The following RMDN2 variants were observed in gnomAD, a reference collection of about 807,000 sequenced individuals.
RMDN2 encodes the protein regulator of microtubule dynamics 2.
In RMDN2, 61 loss-of-function variants were observed where a neutral mutation model predicts 52.8. The observed-to-expected ratio is 1.16, with a 90% CI of 0.94 to 1.43. The LOEUF (loss-of-function observed/expected upper bound fraction) is 1.43. RMDN2 is among the 40% of genes most tolerant of loss of function. The probability of loss-of-function intolerance (pLI) is 0.00; values close to 1 mark genes in which losing one functional copy is unlikely to be tolerated. For missense variants in RMDN2, 592 were observed against 475.3 expected (o/e 1.25, Z -2.28); for synonymous variants, 180 against 153.1 (o/e 1.18, Z -1.30).
Position 38,009,590 on chromosome 2 carries a change from T to C in RMDN2, c.1179+5374T>C, listed in dbSNP as rs137939618. Among the ~76,000 whole-genome samples the C allele has an allele frequency of 6.6e-5, 10 of 152,352 alleles. No homozygotes were observed. The East Asian group carries it at 1.9e-3, about 29-fold the overall frequency. On this transcript the variant is annotated intron_variant, in intron 10 of 10. Coordinates refer to ENST00000354545, the MANE Select transcript of RMDN2 (RefSeq NM_001170791.3). ...TCCTTTAAGGAATTCTCTGCGTTGA[T>C]TATTCTAGTTAGCCATTCATCTAAT...
At chr2:38,043,312 C>T (rs772483728) in intron 10 of RMDN2, among the ~76,000 whole-genome samples, 1 of 152,180 alleles carries the variant, frequency 6.6e-6, no homozygotes, top group Non-Finnish European at 1.5e-5. Context: ...AATATAGCTA[C>T]TGCAGCTTTT....
chr2:37,961,371 G>A (rs1670214063), intron 2 of RMDN2, among the ~76,000 whole-genome samples: 1 of 151,932 alleles, frequency 6.6e-6, no homozygotes, highest in African/African-American at 2.4e-5. Flanking sequence ...ATATTTCTTG[G>A]AAGCTTTGTT....
At position 37,964,139 on chromosome 2, in the gene RMDN2, G is replaced by A. The variant is rs369577306; in HGVS notation, c.453-9901G>A. Among the ~76,000 whole-genome samples, 54 of 151,542 alleles carry A rather than the reference G, an allele frequency of 3.6e-4. No individual in the cohort carries two copies. In the East Asian group the frequency reaches 5.1e-3, roughly 14 times the overall value. On this transcript the variant is annotated intron_variant, in intron 2 of 10. Transcript: ENST00000354545. The stretch of plus-strand genomic sequence containing the variant: ...TGGAGGGGCTCCTCACTTCTCAGAC[G>A]GGGCGCCTGCCGGGCGGAGGGGCTC...
chr2:37,998,508 A>G (rs950481214), intron 8 of RMDN2: 5 of 152,222 alleles, frequency 3.3e-5, no homozygotes, highest in Admixed American at 6.6e-5. Context: ...CCTGACCAAA[A>G]GAGCATGACC....
At chr2:38,016,557 T>C (rs570672022) in intron 10 of RMDN2, among the ~76,000 whole-genome samples, 1 of 152,346 alleles carries the variant, frequency 6.6e-6, no homozygotes, top group African/African-American at 2.4e-5. Flanking sequence ...CTTCATTTAA[T>C]GATCTCACCT....
intron 10 of RMDN2, among the ~76,000 whole-genome samples, chr2:38,031,032 T>C (rs916674559): frequency 6.6e-6 from 1 of 151,946 alleles, no homozygotes; most frequent in Non-Finnish European, 1.5e-5. Flanking sequence ...ATTTGTTTAA[T>C]TGGCCAAGAA....
chr2:38,052,682 G>C (rs1681672419), intron 10 of RMDN2, among the ~76,000 whole-genome samples: 1 of 152,124 alleles, frequency 6.6e-6, no homozygotes, highest in African/African-American at 2.4e-5. Flanking sequence ...TATGAACTTG[G>C]CTAAGGATGC....
At chr2:38,056,084 A>T (rs1366814239) in intron 10 of RMDN2, among the ~76,000 whole-genome samples, 1 of 152,142 alleles carries the variant, frequency 6.6e-6, no homozygotes, top group Non-Finnish European at 1.5e-5. Flanking sequence ...CTCCAAGCAC[A>T]TCACATTCAT....
intron 2 of RMDN2, among the ~76,000 whole-genome samples, chr2:37,958,503 G>C (rs1217722170): frequency 6.0e-5 from 9 of 150,992 alleles, no homozygotes; most frequent in Non-Finnish European, 1.2e-4. Flanking sequence ...CTGAGATTTT[G>C]CTGAAGTTGC....
At position 38,004,059 on chromosome 2, in the gene RMDN2, T is replaced by A; in HGVS notation, c.1098+15T>A. The A allele has an allele frequency of 6.2e-7, 1 of 1,610,196 alleles. No homozygotes were observed. On this transcript the variant is annotated intron_variant, in intron 9 of 10. Transcript: ENST00000354545. ...ACTTAGCAAAGGTAATGAAGACCAC[T>A]GTTCTGCTTTAAGATCACTTTGAAC...
intron 2 of RMDN2, among the ~76,000 whole-genome samples, chr2:37,944,250 C>T (rs985496854): frequency 6.6e-6 from 1 of 151,352 alleles, no homozygotes; most frequent in Admixed American, 6.6e-5. Flanking sequence ...AGTATCTGTA[C>T]TCCTTGGATT....
chr2:37,997,506 T>C lies in RMDN2; in HGVS notation c.1036T>C (p.Phe346Leu). 1 of 1,597,812 alleles carries C rather than the reference T, an allele frequency of 6.3e-7. No individual in the cohort carries two copies. The highest frequency in any genetic ancestry group is 8.6e-7 in the Non-Finnish European group (1 of 1,165,284). Residue 346 changes from phenylalanine (F) to leucine (L), a missense_variant, in exon 8 of 11, where the codon TTC (phenylalanine) becomes CTC (leucine). Phe to Leu is a conservative substitution (Grantham distance 22). Coordinates refer to ENST00000354545, the MANE Select transcript of RMDN2 (RefSeq NM_001170791.3). ...AACTGTACAAGAAGCTTTACACAAT[T>C]TCCTTAAGGTACATTTTGTGTATCC... ...SSTVQEALHN[F>L]LKAEELCPGY...
chr2:38,040,659 T>G (rs1451973318), intron 10 of RMDN2, among the ~76,000 whole-genome samples: 1 of 152,206 alleles, frequency 6.6e-6, no homozygotes, highest in East Asian at 1.9e-4. Flanking sequence ...TCAGGTAATT[T>G]TAGTTCTTAA....
chr2:37,970,586 T>C (rs1671679365), intron 2 of RMDN2, among the ~76,000 whole-genome samples: 1 of 152,182 alleles, frequency 6.6e-6, no homozygotes, highest in African/African-American at 2.4e-5. Flanking sequence ...AGTAATTCTT[T>C]AGAAGAATTT....
chr2:37,964,750 C>T (rs146774762), intron 2 of RMDN2, among the ~76,000 whole-genome samples: 14 of 152,128 alleles, frequency 9.2e-5, no homozygotes, highest in East Asian at 3.9e-4. Context: ...ACTAATCATC[C>T]GCCTGGTTGT....
At chr2:38,052,796 C>T (rs1330561957) in intron 10 of RMDN2, among the ~76,000 whole-genome samples, 1 of 152,138 alleles carries the variant, frequency 6.6e-6, no homozygotes. Flanking sequence ...CCAAGGATTA[C>T]AGGAACTCTG....
At chr2:38,041,430 T>TTC (rs936828720) in intron 10 of RMDN2, among the ~76,000 whole-genome samples, 2 of 148,514 alleles carry the variant, frequency 1.3e-5, no homozygotes, top group African/African-American at 4.9e-5. Context: ...TTTATTGGTT[T>TTC]TTTTTTTTTT....
chr2:38,008,219 G>C (rs1677403178), intron 10 of RMDN2, among the ~76,000 whole-genome samples: 1 of 152,140 alleles, frequency 6.6e-6, no homozygotes, highest in Non-Finnish European at 1.5e-5. Context: ...ATGTCTGTTA[G>C]GTCCGCTTGG....
intron 1 of RMDN2, chr2:37,928,740 A>G (rs752454983): frequency 3.9e-5 from 6 of 152,356 alleles, no homozygotes; most frequent in African/African-American, 1.4e-4. Context: ...GTTTATTGCT[A>G]TGCAGTTTTC....
Sources: allele counts gnomAD v4.1 joint callset (sites outside exome capture counted in the v4.1 genomes callset), GRCh38; gene constraint gnomAD v4.1.1; transcripts MANE v1.5; gene names NCBI Gene and HGNC (gene_info 2026-07-23, HGNC 2026-07-21).